The following TENM2 variants were observed in gnomAD, a reference collection of about 807,000 sequenced individuals.
TENM2 encodes teneurin-2.
Under a neutral mutation model 245.2 loss-of-function variants are expected in TENM2, and 52 were observed. The observed-to-expected ratio is 0.21, with a 90% CI of 0.17 to 0.27. The LOEUF is 0.27. Ranked by LOEUF, TENM2 falls within the 10% of genes least tolerant of loss-of-function variation. The probability of loss-of-function intolerance (pLI) is 1.00; values close to 1 mark genes in which losing one functional copy is unlikely to be tolerated. For synonymous variants in TENM2, 1,363 were observed against 1,438.9 expected, an observed-to-expected ratio of 0.95 and a Z score of 1.19; for missense variants, 3,046 against 3,666.8, an observed-to-expected ratio of 0.83 and a Z score of 4.37.
At chr5:167,120,819 T>C in the TENM2 span, among the ~76,000 whole-genome samples, 6 of 152,232 alleles carry the variant, frequency 3.9e-5, no homozygotes, top group African/African-American at 1.2e-4. Flanking sequence ...ATTGGCTGCT[T>C]GGAGTGTTGT....
intron 2 of TENM2, among the ~76,000 whole-genome samples, chr5:167,807,697 C>T (rs1460435046): frequency 6.6e-6 from 1 of 151,126 alleles, no homozygotes; most frequent in African/African-American, 2.4e-5. Context: ...AGAATAATAG[C>T]AAGTTGATGA....
At chr5:168,179,855 T>G (rs1759705347) in intron 13 of TENM2, among the ~76,000 whole-genome samples, 2 of 152,218 alleles carry the variant, frequency 1.3e-5, no homozygotes, top group Admixed American at 1.3e-4. Flanking sequence ...CCTAACCCAG[T>G]GCCAGGCACC....
chr5:167,549,517 T>C (rs1772792414), intron 2 of TENM2, among the ~76,000 whole-genome samples: 1 of 152,196 alleles, frequency 6.6e-6, no homozygotes, highest in Non-Finnish European at 1.5e-5. Context: ...ATTAGATTTC[T>C]GTTTTGGCCT....
intron 27 of TENM2, among the ~76,000 whole-genome samples, chr5:168,258,974 G>A (rs1419613687): frequency 6.6e-6 from 1 of 151,906 alleles, no homozygotes; most frequent in Admixed American, 6.6e-5. Flanking sequence ...CCTGAGGTTA[G>A]GAGTTGGAGA....
chr5:167,371,465 G>A (rs538933643), intron 1 of TENM2, among the ~76,000 whole-genome samples: 5 of 150,770 alleles, frequency 3.3e-5, no homozygotes, highest in African/African-American at 7.3e-5. Context: ...GGGTTCAAGC[G>A]ACTCTCCTGC....
In TENM2 at chr5:167,755,123, T is replaced by A. The variant is rs571913626; in HGVS notation, c.503-120863T>A. ...TGAATGCAAGCCAGATCATCTCTTA[T>A]GGAGACCCGGCAGTACCTCACCTCA... On this transcript the variant is annotated intron_variant, in intron 2 of 28. Coordinates refer to ENST00000518659, the Ensembl canonical transcript of TENM2. 3.1e-6 allele frequency: 5 copies of A among 1,599,154 alleles called. No individual in the cohort carries two copies. The Admixed American group carries it at 6.7e-5, about 21-fold the overall frequency.
chr5:167,465,704 G>C (rs1274779160), intron 2 of TENM2, among the ~76,000 whole-genome samples: 1 of 152,112 alleles, frequency 6.6e-6, no homozygotes, highest in Non-Finnish European at 1.5e-5. Context: ...GGTGGCGGGC[G>C]CCTGTAGTCC....
intron 2 of TENM2, among the ~76,000 whole-genome samples, chr5:167,705,822 GT>G (rs1206540344): frequency 6.6e-6 from 1 of 151,620 alleles, no homozygotes; most frequent in Non-Finnish European, 1.5e-5. Flanking sequence ...GCTTCTAGGA[GT>G]TTGACTATTT....
At chr5:167,182,539 A>G in the TENM2 span, among the ~76,000 whole-genome samples, 3 of 152,182 alleles carry the variant, frequency 2.0e-5, no homozygotes, top group Non-Finnish European at 4.4e-5. Context: ...TTTTCTAAAC[A>G]TTTTATGTTC....
In TENM2 at chr5:168,090,702, G is replaced by A. The variant is rs1390487627; in HGVS notation, c.1644G>A (p.Leu548=). 5 of 1,613,932 alleles carry A rather than the reference G, an allele frequency of 3.1e-6. No homozygotes were observed. In the South Asian group the frequency reaches 4.4e-5, roughly 14 times the overall value. The change falls in exon 8 of 29, where the codon CTG becomes CTA. Residue 548 remains leucine (L), a synonymous_variant. Coordinates refer to ENST00000518659, the Ensembl canonical transcript of TENM2. ...TTGTGCAGTACCTGGATGTGGGCCT[G>A]TGGCATCTGGCCTTCTACAATGATG...
chr5:167,709,512 G>GA (rs1758764944), intron 2 of TENM2, among the ~76,000 whole-genome samples: 1 of 152,222 alleles, frequency 6.6e-6, no homozygotes, highest in African/African-American at 2.4e-5. Context: ...AAACTAGAGT[G>GA]AAAGTCAGAA....
chr5:167,446,348 A>G (rs1561962665), intron 2 of TENM2, among the ~76,000 whole-genome samples: 1 of 86,878 alleles, frequency 1.2e-5, no homozygotes, highest in East Asian at 3.2e-4. Context: ...CTCTACCTCT[A>G]AAGCCTGGAA....
Position 168,150,902 on chromosome 5 carries a change from A to G in TENM2, c.2423-11709A>G, listed in dbSNP as rs1044683746. Among the ~76,000 whole-genome samples the G allele has an allele frequency of 4.6e-5, 7 of 152,162 alleles. No individual in the cohort carries two copies. The South Asian group carries it at 6.2e-4, about 14-fold the overall frequency. ...CTGAGCTTCAGCTTTTTCAGCCACA[A>G]ATGATGATAATAATATGTATTTCAT... On this transcript the variant is annotated intron_variant, in intron 12 of 28. Transcript: ENST00000518659.
chr5:167,111,899 A>C, the TENM2 span, among the ~76,000 whole-genome samples: 1 of 152,170 alleles, frequency 6.6e-6, no homozygotes, highest in African/African-American at 2.4e-5. Context: ...TAATAGAAAT[A>C]ATGTGTTCCC....
intron 5 of TENM2, among the ~76,000 whole-genome samples, chr5:168,016,373 G>A (rs1434963980): frequency 1.3e-5 from 2 of 152,142 alleles, no homozygotes; most frequent in Non-Finnish European, 2.9e-5. Flanking sequence ...TCTGACAAAC[G>A]GTATATATTT....
the TENM2 span, among the ~76,000 whole-genome samples, chr5:167,172,430 C>T: frequency 1.3e-5 from 2 of 152,028 alleles, no homozygotes; most frequent in Admixed American, 6.6e-5. Flanking sequence ...AATTAAGGGT[C>T]GTTTTGCCTA....
the TENM2 span, among the ~76,000 whole-genome samples, chr5:167,061,094 ACACACACAC>A: frequency 6.4e-5 from 1 of 15,624 alleles, no homozygotes; most frequent in South Asian, 1.4e-3. Context: ...TCTCCAAAAC[ACACACACAC>A]ACACACACAC....
the TENM2 span, among the ~76,000 whole-genome samples, chr5:167,085,407 T>C: frequency 6.6e-6 from 1 of 152,188 alleles, no homozygotes; most frequent in African/African-American, 2.4e-5. Context: ...TGTTAGGTAA[T>C]TGGAAAGCTA....
At chr5:168,014,254 G>C (rs1274815900) in intron 5 of TENM2, among the ~76,000 whole-genome samples, 1 of 152,148 alleles carries the variant, frequency 6.6e-6, no homozygotes, top group African/African-American at 2.4e-5. Context: ...AGTTCACATA[G>C]ATTTTTCTCA....
Sources: allele counts gnomAD v4.1 joint callset (sites outside exome capture counted in the v4.1 genomes callset), GRCh38; gene constraint gnomAD v4.1.1; transcripts MANE v1.5; gene names NCBI Gene and HGNC (gene_info 2026-07-23, HGNC 2026-07-21).